Variants in PLPPR1 observed in about 807,000 individuals in gnomAD.
PLPPR1 encodes phospholipid phosphatase related 1.
PLPPR1 carries 10 observed loss-of-function variants against 33.1 expected under a neutral mutation model. The ratio of observed to expected loss-of-function variants is 0.30; its 90% CI spans 0.19 to 0.51. The LOEUF is 0.51. Among genes scored for constraint, PLPPR1 ranks in the 20% least tolerant of loss-of-function variants. PLPPR1 has a pLI of 0.97. For missense variants in PLPPR1, 304 were observed against 408.1 expected, an observed-to-expected ratio of 0.74 and a Z score of 2.20; for synonymous variants, 151 against 151.0, an observed-to-expected ratio of 1.00 and a Z score of 0.00.
At chr9:101,162,193 A>G (rs1029184265) in intron 1 of PLPPR1, among the ~76,000 whole-genome samples, 13 of 152,112 alleles carry the variant, frequency 8.5e-5, no homozygotes, top group African/African-American at 3.1e-4. Context: ...GGTACTGGGT[A>G]TCCAGCAAAC....
At chr9:101,034,679 T>C (rs951340520) in intron 1 of PLPPR1, among the ~76,000 whole-genome samples, 2 of 152,152 alleles carry the variant, frequency 1.3e-5, no homozygotes, top group Non-Finnish European at 2.9e-5. Flanking sequence ...CTGAGTTTGT[T>C]GTAAAGGTCG....
chr9:101,254,934 T>C (rs1827773402), intron 2 of PLPPR1, among the ~76,000 whole-genome samples: 1 of 152,124 alleles, frequency 6.6e-6, no homozygotes, highest in African/African-American at 2.4e-5. Flanking sequence ...ACACTCCCCT[T>C]CTCCAGGCAG....
In PLPPR1 at chr9:101,263,155, T is replaced by A. The variant is rs1827930894; in HGVS notation, c.64-6725T>A. On this transcript the variant is annotated intron_variant, in intron 2 of 7. Transcript: ENST00000374874. The stretch of plus-strand genomic sequence containing the variant: ...GTATCCCAGAACTTAAAGTATAATT[T>A]AAAAAAAGAAAAATTTTAAAAAAAT... Among the ~76,000 whole-genome samples, 5 of 152,088 alleles carry A rather than the reference T, an allele frequency of 3.3e-5. No homozygotes were observed. In the South Asian group the frequency reaches 1.0e-3, roughly 32 times the overall value.
At position 101,047,661 on chromosome 9, in the gene PLPPR1, G is replaced by A. The variant is rs113032881; in HGVS notation, c.-46+18559G>A. The stretch of plus-strand genomic sequence containing the variant: ...ATTGCAGCCAGCATGAATCCACCCC[G>A]AGGATGGAATCATGTGATTTCCTCA... On this transcript the variant is annotated intron_variant, in intron 1 of 7. Coordinates refer to ENST00000374874, the MANE Select transcript of PLPPR1 (RefSeq NM_207299.2). Among the ~76,000 whole-genome samples the A allele has an allele frequency of 4.2e-4, 64 of 152,098 alleles. 1 individual carries two copies. Among genetic ancestry groups the A allele is most frequent in the African/African-American group, 1.5e-3 (61 of 41,494 alleles).
At chr9:101,051,805 C>T (rs1258150842) in intron 1 of PLPPR1, among the ~76,000 whole-genome samples, 1 of 152,170 alleles carries the variant, frequency 6.6e-6, no homozygotes, top group African/African-American at 2.4e-5. Flanking sequence ...GTAAGTAATT[C>T]CAACACGCAT....
intron 1 of PLPPR1, among the ~76,000 whole-genome samples, chr9:101,033,707 C>T (rs576292979): frequency 4.6e-5 from 7 of 152,108 alleles, no homozygotes; most frequent in East Asian, 1.9e-4. Flanking sequence ...AATGCCTCCA[C>T]GTGGAATCCT....
At chr9:101,229,150 C>T (rs1827132745) in intron 2 of PLPPR1, among the ~76,000 whole-genome samples, 1 of 152,052 alleles carries the variant, frequency 6.6e-6, no homozygotes, top group African/African-American at 2.4e-5. Context: ...ATCAGAGCCA[C>T]AATGATACAT....
intron 1 of PLPPR1, among the ~76,000 whole-genome samples, chr9:101,169,016 C>A (rs1260041757): frequency 6.6e-6 from 1 of 152,038 alleles, no homozygotes; most frequent in African/African-American, 2.4e-5. Context: ...ATTTTATAAC[C>A]AAAGCAAGAA....
chr9:101,155,164 G>C (rs977458773), intron 1 of PLPPR1, among the ~76,000 whole-genome samples: 7 of 152,036 alleles, frequency 4.6e-5, no homozygotes, highest in Non-Finnish European at 8.8e-5. Context: ...CTATTTGCTT[G>C]TTTTCCAGGC....
chr9:101,258,470 T>C (rs1047039329), intron 2 of PLPPR1, among the ~76,000 whole-genome samples: 2 of 152,186 alleles, frequency 1.3e-5, no homozygotes, highest in Non-Finnish European at 2.9e-5. Context: ...CTTCTATTGT[T>C]TTACCAGAGA....
intron 4 of PLPPR1, among the ~76,000 whole-genome samples, chr9:101,304,324 G>A (rs186543818): frequency 6.6e-6 from 1 of 152,266 alleles, no homozygotes; most frequent in Admixed American, 6.5e-5. Flanking sequence ...ATCCTCTTCT[G>A]TTAATCTCTA....
chr9:101,124,075 CATT>C (rs1283934782), intron 1 of PLPPR1, among the ~76,000 whole-genome samples: 2 of 152,174 alleles, frequency 1.3e-5, no homozygotes, highest in Non-Finnish European at 2.9e-5. Context: ...TACTAGCTAT[CATT>C]ATTTCTAGCA....
intron 1 of PLPPR1, among the ~76,000 whole-genome samples, chr9:101,058,608 A>G (rs1588010883): frequency 1.3e-5 from 2 of 152,286 alleles, no homozygotes; most frequent in Admixed American, 1.3e-4. Flanking sequence ...ATATAGGCAA[A>G]ATAGCATTTT....
chr9:101,091,160 T>C (rs1368941860), intron 1 of PLPPR1, among the ~76,000 whole-genome samples: 1 of 152,146 alleles, frequency 6.6e-6, no homozygotes, highest in Non-Finnish European at 1.5e-5. Flanking sequence ...AACACCTTTC[T>C]CCTTAACCTG....
intron 2 of PLPPR1, among the ~76,000 whole-genome samples, chr9:101,235,540 TTTTCTAAAG>T (rs1827281658): frequency 6.6e-6 from 1 of 151,876 alleles, no homozygotes; most frequent in Non-Finnish European, 1.5e-5. Flanking sequence ...TGTACTTTCA[TTTTCTAAAG>T]TTTCATTTAG....
At chr9:101,235,075 G>A (rs1372965430) in intron 2 of PLPPR1, among the ~76,000 whole-genome samples, 3 of 151,824 alleles carry the variant, frequency 2.0e-5, no homozygotes, top group Non-Finnish European at 4.4e-5. Flanking sequence ...GGCAGATGTG[G>A]AAAGAATTGC....
intron 2 of PLPPR1, among the ~76,000 whole-genome samples, chr9:101,240,248 G>A (rs1482184627): frequency 6.6e-6 from 1 of 151,834 alleles, no homozygotes; most frequent in Non-Finnish European, 1.5e-5. Context: ...CCATTTCATT[G>A]GTCTGTATGT....
chr9:101,039,707 T>G (rs1281587617), intron 1 of PLPPR1, among the ~76,000 whole-genome samples: 2 of 152,030 alleles, frequency 1.3e-5, no homozygotes, highest in Non-Finnish European at 2.9e-5. Flanking sequence ...ACGTGGATGG[T>G]GGCAGGAAAA....
Position 101,317,361 on chromosome 9 carries a change from G to C in PLPPR1, c.814-4G>C. The C allele has an allele frequency of 6.2e-7, 1 of 1,612,264 alleles. No individual in the cohort carries two copies. On this transcript the variant is annotated splice_polypyrimidine_tract_variant and splice_region_variant and intron_variant, in intron 6 of 7. Coordinates refer to ENST00000374874, the MANE Select transcript of PLPPR1 (RefSeq NM_207299.2). ...CCCATTCTTTTTTCCCCCTCATCCT[G>C]CAGGGAATGTGTGTGGTTCATAACT...
Sources: gnomAD v4.1 joint callset for allele counts (sites outside exome capture counted in the v4.1 genomes callset) on GRCh38, gnomAD v4.1.1 for gene constraint, MANE v1.5 for transcripts, NCBI Gene and HGNC (gene_info 2026-07-23, HGNC 2026-07-21) for gene names.